PARD3B: variants seen among roughly 807,000 people sequenced by gnomAD.
The protein encoded by PARD3B is par-3 family cell polarity regulator beta, also known as partitioning defective 3 homolog B.
In PARD3B, 103 loss-of-function variants were observed where a neutral mutation model predicts 130.2. That is an observed-to-expected ratio of 0.79 (90% CI 0.67 to 0.93). The LOEUF (loss-of-function observed/expected upper bound fraction) is 0.93, where lower values mean the gene tolerates loss of function less well. PARD3B is among the 40% of genes least tolerant of loss of function. PARD3B has a pLI of 0.00. For synonymous variants in PARD3B, 583 were observed against 553.2 expected (o/e 1.05, Z -0.76); for missense variants, 1,609 against 1,499.2 (o/e 1.07, Z -1.21).
At chr2:204,558,298 C>T (rs1354927854) in intron 1 of PARD3B, 2 of 152,132 alleles carry the variant, frequency 1.3e-5, no homozygotes, top group Non-Finnish European at 2.9e-5. Flanking sequence ...TAGAAAACCC[C>T]ATTGTCTCAG....
At position 205,015,476 on chromosome 2, in the gene PARD3B, C is replaced by T. The variant is rs959394672; in HGVS notation, c.395-32105C>T. ...TATTTCTCCTTGGCAAGATGCAGAC[C>T]GAGTTCCTAGAAGATAGGGATGATG... On this transcript the variant is annotated intron_variant, in intron 3 of 22. Coordinates refer to ENST00000406610, the MANE Select transcript of PARD3B (RefSeq NM_001302769.2). The surrounding 1 kb of genome is among the most constrained non-coding windows in gnomAD (Gnocchi z 4.5). 2.0e-5 allele frequency among the ~76,000 whole-genome samples: 3 copies of T among 152,034 alleles called. No individual in the cohort carries two copies. Among genetic ancestry groups the T allele is most frequent in the African/African-American group, 7.2e-5 (3 of 41,398 alleles).
chr2:204,930,316 C>G (rs1687939634), intron 2 of PARD3B, among the ~76,000 whole-genome samples: 1 of 151,846 alleles, frequency 6.6e-6, no homozygotes, highest in Non-Finnish European at 1.5e-5. Flanking sequence ...TGTGAATGCG[C>G]AAATCCCTGA....
intron 1 of PARD3B, among the ~76,000 whole-genome samples, chr2:204,631,492 C>T (rs567170367): frequency 3.3e-5 from 5 of 152,260 alleles, no homozygotes; most frequent in African/African-American, 7.2e-5. Flanking sequence ...TCGTGATCTG[C>T]GTGCTTCAGC....
chr2:204,599,071 A>G (rs1274361511), intron 1 of PARD3B, among the ~76,000 whole-genome samples: 4 of 151,832 alleles, frequency 2.6e-5, no homozygotes, highest in African/African-American at 2.4e-5. Context: ...AAAAAAAGAC[A>G]TTGTTTTTTC....
rs191148824 is a variant in PARD3B at position 205,037,695 on chromosome 2, T to G, written c.395-9886T>G. Among the ~76,000 whole-genome samples, 1,036 of 151,200 alleles carry G rather than the reference T, an allele frequency of 6.9e-3. 3 individuals are homozygous for G. Among genetic ancestry groups the G allele is most frequent in the Middle Eastern group, 0.031 (9 of 292 alleles). ...TAGTGGACTATATATATATATGATATATCTCTGACTCAGTTTCCCCTTAAC... is the reference window on the plus strand; with the variant it reads ...TAGTGGACTATATATATATATGATAGATCTCTGACTCAGTTTCCCCTTAAC... On this transcript the variant is annotated intron_variant, in intron 3 of 22. Coordinates refer to ENST00000406610, the MANE Select transcript of PARD3B (RefSeq NM_001302769.2).
chr2:204,642,220 T>C (rs1458603508), intron 1 of PARD3B, among the ~76,000 whole-genome samples: 2 of 152,198 alleles, frequency 1.3e-5, no homozygotes, highest in African/African-American at 4.8e-5. Flanking sequence ...TGGTCTCTGC[T>C]ACAGAGTCCA....
intron 22 of PARD3B, among the ~76,000 whole-genome samples, chr2:205,593,592 C>T (rs1478306951): frequency 1.3e-5 from 2 of 152,200 alleles, no homozygotes; most frequent in Non-Finnish European, 2.9e-5. Flanking sequence ...CATCAAATTG[C>T]TTAACAACCT....
chr2:204,656,220 G>A (rs1006141154), intron 1 of PARD3B, among the ~76,000 whole-genome samples: 1 of 152,166 alleles, frequency 6.6e-6, no homozygotes, highest in Non-Finnish European at 1.5e-5. Flanking sequence ...GGCAAAGGCT[G>A]TAGATACATG....
chr2:205,016,626 C>T (rs1191376596), intron 3 of PARD3B, among the ~76,000 whole-genome samples: 1 of 152,188 alleles, frequency 6.6e-6, no homozygotes, highest in Non-Finnish European at 1.5e-5. Context: ...ATCCCAGGAA[C>T]CTCCGGTCCT....
intron 3 of PARD3B, among the ~76,000 whole-genome samples, chr2:204,970,983 T>G (rs1476130871): frequency 6.6e-6 from 1 of 152,204 alleles, no homozygotes; most frequent in Non-Finnish European, 1.5e-5. Flanking sequence ...GAAATGGAAA[T>G]TATGATTATG....
chr2:205,353,012 A>G (rs1487280343), intron 18 of PARD3B, among the ~76,000 whole-genome samples: 3 of 152,232 alleles, frequency 2.0e-5, no homozygotes, highest in Non-Finnish European at 4.4e-5. Flanking sequence ...CCCTCAAAGC[A>G]ATAGGTTTTC....
chr2:204,786,717 C>T (rs1197564710), intron 2 of PARD3B, among the ~76,000 whole-genome samples: 2 of 149,986 alleles, frequency 1.3e-5, no homozygotes, highest in African/African-American at 2.5e-5. Context: ...CTTTAGTGAG[C>T]GAATAACAAA....
intron 1 of PARD3B, among the ~76,000 whole-genome samples, chr2:204,684,758 C>A (rs998363985): frequency 2.6e-5 from 4 of 152,182 alleles, no homozygotes; most frequent in Non-Finnish European, 4.4e-5. Context: ...TCTATCTGTG[C>A]CACAGAGTCA....
chr2:204,912,202 ATAAT>A (rs1402002295), intron 2 of PARD3B, among the ~76,000 whole-genome samples: 3 of 152,232 alleles, frequency 2.0e-5, no homozygotes, highest in African/African-American at 7.2e-5. Context: ...GAAACATATG[ATAAT>A]TAAAGCAAAT....
In PARD3B at chr2:204,610,570, T is replaced by C. The variant is rs1396724210; in HGVS notation, c.120+64451T>C. On this transcript the variant is annotated intron_variant, in intron 1 of 22. Transcript: ENST00000406610. This position sits in a 1 kb window ranked among gnomAD's most constrained non-coding sequence, Gnocchi z 4.1. ...TGGGCTTTGCCATCTTGGCCAGACA[T>C]CTTGGTCTCAAACTCCTGACCTCAG... 6.6e-6 allele frequency among the ~76,000 whole-genome samples: 1 copy of C among 152,098 alleles called. No individual in the cohort carries two copies. The highest frequency in any genetic ancestry group is 2.4e-5 in the African/African-American group (1 of 41,436).
intron 10 of PARD3B, among the ~76,000 whole-genome samples, chr2:205,156,248 T>A (rs1169125608): frequency 3.0e-4 from 25 of 83,002 alleles, no homozygotes; most frequent in Non-Finnish European, 4.0e-4. Context: ...AACATCACAC[T>A]CTGGGGACTG....
At chr2:205,380,142 G>T (rs1276502017) in intron 18 of PARD3B, among the ~76,000 whole-genome samples, 1 of 117,192 alleles carries the variant, frequency 8.5e-6, no homozygotes, top group Non-Finnish European at 1.7e-5. Context: ...ATTATATAAA[G>T]AATATATATT....
intron 20 of PARD3B, among the ~76,000 whole-genome samples, chr2:205,448,148 T>C (rs1289304531): frequency 6.6e-6 from 1 of 152,236 alleles, no homozygotes; most frequent in Admixed American, 6.5e-5. Flanking sequence ...TAGCCCCTTC[T>C]TAAATTATAA....
At chr2:204,685,603 T>C (rs2037037075) in intron 1 of PARD3B, among the ~76,000 whole-genome samples, 1 of 152,206 alleles carries the variant, frequency 6.6e-6, no homozygotes, top group Non-Finnish European at 1.5e-5. Context: ...GTTGCTGCCA[T>C]GCTGCAGGAA....
Sources: gnomAD v4.1 joint callset for allele counts (sites outside exome capture counted in the v4.1 genomes callset) on GRCh38, gnomAD v4.1.1 for gene constraint, Gnocchi (gnomAD v3.1) non-coding constraint, MANE v1.5 for transcripts, NCBI Gene and HGNC (gene_info 2026-07-23, HGNC 2026-07-21) for gene names.